The following CACNA1C variants were observed in gnomAD, a reference collection of about 807,000 sequenced individuals.
CACNA1C encodes calcium voltage-gated channel subunit alpha1 C.
CACNA1C carries 30 observed loss-of-function variants against 229.0 expected under a neutral mutation model. The ratio of observed to expected loss-of-function variants is 0.13; its 90% CI spans 0.10 to 0.18. The LOEUF (loss-of-function observed/expected upper bound fraction) is 0.18. Among genes scored for constraint, CACNA1C ranks in the 10% least tolerant of loss-of-function variants. The pLI, the probability that CACNA1C is intolerant of heterozygous loss-of-function variation, is 1.00. For synonymous variants in CACNA1C, 1,114 were observed against 1,132.5 expected, an observed-to-expected ratio of 0.98 and a Z score of 0.33; for missense variants, 1,658 against 2,845.0, an observed-to-expected ratio of 0.58 and a Z score of 9.49.
In CACNA1C at chr12:2,092,406, T is replaced by C. The variant is rs151197138; in HGVS notation, c.50-22818T>C. Among the ~76,000 whole-genome samples the C allele has an allele frequency of 1.4e-4, 21 of 152,360 alleles. No homozygotes were observed. In the East Asian group the frequency reaches 4.0e-3, roughly 29 times the overall value. On this transcript the variant is annotated intron_variant, in intron 1 of 46. Coordinates refer to ENST00000399655, the MANE Select transcript of CACNA1C (RefSeq NM_000719.7). The stretch of plus-strand genomic sequence containing the variant: ...CCAGCCAGATGGAAGATGTGTCTCC[T>C]TGTGGCTTGGATATCCTGTAACTCA...
intron 45 of CACNA1C, among the ~76,000 whole-genome samples, chr12:2,687,409 C>T (rs1236141792): frequency 2.0e-5 from 3 of 152,210 alleles, no homozygotes; most frequent in Non-Finnish European, 2.9e-5. Flanking sequence ...CCCGGGAGCA[C>T]ATCCCATCAG....
chr12:2,440,384 C>G (rs1054535236), intron 3 of CACNA1C, among the ~76,000 whole-genome samples: 1 of 152,208 alleles, frequency 6.6e-6, no homozygotes, highest in African/African-American at 2.4e-5. Context: ...GGTATTTGTC[C>G]TACTGTGTCT....
chr12:2,533,905 C>T (rs1466597326), intron 9 of CACNA1C, among the ~76,000 whole-genome samples: 2 of 152,142 alleles, frequency 1.3e-5, no homozygotes, highest in Non-Finnish European at 2.9e-5. Flanking sequence ...GTCATGTGAG[C>T]GCTTGAACAG....
intron 1 of CACNA1C, among the ~76,000 whole-genome samples, chr12:2,035,016 G>A (rs1229578798): frequency 6.6e-6 from 1 of 152,236 alleles, no homozygotes; most frequent in East Asian, 1.9e-4. Flanking sequence ...GGTAAAGGCC[G>A]ACGCCGGTTC....
At chr12:2,472,439 A>G (rs539670398) in intron 5 of CACNA1C, among the ~76,000 whole-genome samples, 5 of 152,218 alleles carry the variant, frequency 3.3e-5, no homozygotes, top group African/African-American at 9.6e-5. Context: ...CTTTTCAATT[A>G]TGGAATTTCC....
intron 1 of CACNA1C, chr12:1,992,131 G>A: frequency 3.8e-6 from 1 of 261,816 alleles, no homozygotes; most frequent in Non-Finnish European, 8.2e-6. Context: ...GTACCTTTCG[G>A]CAAAGAAACA....
Position 2,258,416 on chromosome 12 carries a change from TC to T in CACNA1C, c.477+137988del, listed in dbSNP as rs199590975. On this transcript the variant is annotated intron_variant, in intron 3 of 46. Coordinates refer to ENST00000399655, the MANE Select transcript of CACNA1C (RefSeq NM_000719.7). The stretch of plus-strand genomic sequence containing the variant: ...CATTAATTTTTGAAAACTCATTTTT[TC>T]CTCAAGTTTTTTTTTTAAATGTGAA... 9.1e-3 allele frequency among the ~76,000 whole-genome samples: 1,390 copies of T among 152,328 alleles called. 18 individuals are homozygous for T. Among genetic ancestry groups the T allele is most frequent in the African/African-American group, 0.032 (1,330 of 41,562 alleles).
chr12:2,289,328 T>G (rs1000149835), intron 3 of CACNA1C, among the ~76,000 whole-genome samples: 2 of 152,142 alleles, frequency 1.3e-5, no homozygotes, highest in Admixed American at 6.5e-5. Context: ...CATCCTGAAT[T>G]TCCTTCACTG....
rs2154529128 is a variant in CACNA1C at position 2,356,985 on chromosome 12, C to G, written c.478-91991C>G. Among the ~76,000 whole-genome samples, 2 of 152,322 alleles carry G rather than the reference C, an allele frequency of 1.3e-5. 1 individual carries two copies. ...TGCAGCATCCTTTCTGTCCACTTCT[C>G]AAAAATGCAGCCTCTGCCCATCCTT... On this transcript the variant is annotated intron_variant, in intron 3 of 46. Transcript: ENST00000399655.
chr12:2,165,047 A>G (rs951398884), intron 3 of CACNA1C, among the ~76,000 whole-genome samples: 1 of 152,228 alleles, frequency 6.6e-6, no homozygotes, highest in Non-Finnish European at 1.5e-5. Context: ...TTTTAGTTCT[A>G]ATAAGAACAC....
chr12:2,618,808 G>A (rs558309912), intron 29 of CACNA1C, among the ~76,000 whole-genome samples: 9 of 152,214 alleles, frequency 5.9e-5, no homozygotes, highest in Non-Finnish European at 1.0e-4. Context: ...ACTGGAGCCC[G>A]TTCCTCTTTT....
intron 3 of CACNA1C, among the ~76,000 whole-genome samples, chr12:2,280,508 A>G (rs1325025767): frequency 1.8e-4 from 12 of 65,318 alleles, no homozygotes; most frequent in African/African-American, 2.9e-4. Context: ...GCTTCGGTTT[A>G]ACCTCTTGAT....
At chr12:2,473,165 T>A (rs895742431) in intron 5 of CACNA1C, among the ~76,000 whole-genome samples, 1 of 152,202 alleles carries the variant, frequency 6.6e-6, no homozygotes, top group South Asian at 2.1e-4. Flanking sequence ...CTGTACCATC[T>A]CTTTTCTGCT....
intron 3 of CACNA1C, among the ~76,000 whole-genome samples, chr12:2,277,464 TTC>T (rs2089260965): frequency 6.7e-6 from 1 of 148,680 alleles, no homozygotes; most frequent in Non-Finnish European, 1.5e-5. Flanking sequence ...CTCTTCTTGA[TTC>T]TCCATAGCTG....
chr12:2,350,418 CCA>C (rs1491231948), intron 3 of CACNA1C, among the ~76,000 whole-genome samples: 4 of 144,986 alleles, frequency 2.8e-5, no homozygotes, highest in Non-Finnish European at 6.3e-5. Context: ...TATAACTTGC[CCA>C]AGCACACACA....
chr12:2,081,063 C>T (rs907173403), intron 1 of CACNA1C, among the ~76,000 whole-genome samples: 2 of 152,124 alleles, frequency 1.3e-5, no homozygotes, highest in Non-Finnish European at 2.9e-5. Flanking sequence ...AAATACATCT[C>T]GATCTAGACA....
At chr12:2,536,401 A>T (rs1315737169) in intron 9 of CACNA1C, among the ~76,000 whole-genome samples, 1 of 152,056 alleles carries the variant, frequency 6.6e-6, no homozygotes, top group African/African-American at 2.4e-5. Flanking sequence ...CCTCTCCGTG[A>T]TGTGCATCAA....
chr12:2,582,141 T>C (rs921011786), intron 14 of CACNA1C, among the ~76,000 whole-genome samples: 1 of 134,282 alleles, frequency 7.4e-6, no homozygotes, highest in Non-Finnish European at 1.6e-5. Flanking sequence ...CCGTCTCAAA[T>C]AAAAAAAAAA....
chr12:2,470,933 A>C (rs1374391547), intron 5 of CACNA1C, among the ~76,000 whole-genome samples: 4 of 152,056 alleles, frequency 2.6e-5, no homozygotes, highest in African/African-American at 7.2e-5. Flanking sequence ...CCCGGGTTCA[A>C]ATGATTCTCG....
Sources: allele counts gnomAD v4.1 joint callset (sites outside exome capture counted in the v4.1 genomes callset), GRCh38; gene constraint gnomAD v4.1.1; transcripts MANE v1.5; gene names NCBI Gene and HGNC (gene_info 2026-07-23, HGNC 2026-07-21).